Variants in ATG9B observed in about 807,000 individuals in gnomAD.
ATG9B encodes autophagy related 9B.
Under a neutral mutation model 92.9 loss-of-function variants are expected in ATG9B, and 92 were observed. The observed-to-expected ratio is 0.99, with a 90% CI of 0.84 to 1.18. The LOEUF (loss-of-function observed/expected upper bound fraction) is 1.18. Ranked by LOEUF, ATG9B falls within the 50% of genes most tolerant of loss-of-function variation. ATG9B has a pLI of 0.00. For synonymous variants in ATG9B, 599 were observed against 551.4 expected (o/e 1.09, Z -1.21); for missense variants, 1,344 against 1,235.0 (o/e 1.09, Z -1.32).
chr7:151,024,437 C>G lies in ATG9B; in HGVS notation c.-14G>C. 1 of 1,331,334 alleles carries G rather than the reference C, an allele frequency of 7.5e-7. No homozygotes were observed. The highest frequency in any genetic ancestry group is 9.7e-7 in the Non-Finnish European group (1 of 1,035,538). The allele number at this position is 1,331,334 out of a possible 1,614,324, so 82.5% of individuals were successfully genotyped here. ...TCGGCTCACCATCAGGCCACGGCTT[C>G]TCCAGAAAGGTTGGAAGGATGGGAG... On this transcript the variant is annotated 5_prime_UTR_variant, in exon 1 of 14. Transcript: ENST00000639579.
rs775861562 is a variant in ATG9B at position 151,023,212 on chromosome 7, G to A, written c.660-6C>T. 59 of 1,613,982 alleles carry A rather than the reference G, an allele frequency of 3.7e-5. No homozygotes were observed. In the Admixed American group the frequency reaches 7.0e-4, roughly 19 times the overall value. The stretch of plus-strand genomic sequence containing the variant: ...TGACAATGAAAATAAATTGTCTGCC[G>A]GGAGGAAGGGGGGGTGCCGGGATGC... On this transcript the variant is annotated splice_polypyrimidine_tract_variant and splice_region_variant and intron_variant, in intron 3 of 13. Coordinates refer to ENST00000639579, the MANE Select transcript of ATG9B (RefSeq NM_001317056.2).
downstream of ATG9B, chr7:151,013,640 C>T: frequency 1.5e-6 from 2 of 1,297,798 alleles, no homozygotes; most frequent in Admixed American, 2.5e-5. Context: ...CGGAGACTTT[C>T]ACGTCCAGGG....
chr7:151,022,945 G>T lies in ATG9B; in HGVS notation c.821+100C>A. ...TTGGTCCTAAGACCAAAAGCTTTGA[G>T]AACTGCTGATCTAGATGACGGGACA... On this transcript the variant is annotated intron_variant, in intron 4 of 13. Transcript: ENST00000639579. 2.7e-6 allele frequency: 4 copies of T among 1,494,358 alleles called. No individual in the cohort carries two copies. In the East Asian group the frequency reaches 6.8e-5, roughly 26 times the overall value. 92.6% of individuals were successfully genotyped at this position (1,494,358 alleles called of 1,614,324 possible).
At chr7:151,021,435 C>G (rs12539718) in intron 4 of ATG9B, 106 bp from the exon 5 acceptor site, 402,035 of 1,429,232 alleles carry the variant, frequency 0.28, 58,947 homozygotes, top group Admixed American at 0.46. Flanking sequence ...GGGGATCTAG[C>G]TAGACCAGCA....
chr7:151,016,202 C>A lies in ATG9B; in HGVS notation c.2554G>T (p.Gly852Cys), dbSNP rs376001984. The change falls in exon 12 of 14, where the codon GGT (glycine) becomes TGT (cysteine). Residue 852 changes from glycine (G) to cysteine (C), a missense_variant. By Grantham distance (159) the Gly-to-Cys change is radical. Coordinates refer to ENST00000639579, the MANE Select transcript of ATG9B (RefSeq NM_001317056.2). ...HQQQQQQEPWGEAAASILSRP... is the reference protein window; with the variant it reads ...HQQQQQQEPWCEAAASILSRP... ...GACAGGATGGAGGCTGCAGCCTCAC[C>A]CCACGGCTCCTGCTGCTGCTGCTGC... 7.5e-5 allele frequency: 114 copies of A among 1,510,954 alleles called. No individual in the cohort carries two copies. The African/African-American group carries it at 1.4e-3, about 19-fold the overall frequency. 93.6% of individuals were successfully genotyped at this position (1,510,954 alleles called of 1,614,324 possible).
chr7:151,024,394 T>C lies in ATG9B; in HGVS notation c.30A>G (p.Arg10=), dbSNP rs1795880570. 1.5e-6 allele frequency: 2 copies of C among 1,370,364 alleles called. No homozygotes were observed. Among genetic ancestry groups the C allele is most frequent in the Admixed American group, 6.0e-5 (2 of 33,384 alleles). 84.9% of individuals were successfully genotyped at this position (1,370,364 alleles called of 1,614,324 possible). A position where few individuals can be genotyped will look rare whatever the true frequency, so the allele number is the denominator to read the frequency against. The change falls in exon 1 of 14, where the codon AGA becomes AGG. Residue 10 remains arginine, a synonymous_variant. Transcript: ENST00000639579. The part of the protein sequence containing the change: MVSRMGWGG[R]RRRLGRWGDL... ...CTCCCCACCGCCCCAGCCGCCTTCT[T>C]CTCCCCCCCCAGCCCATTCGGCTCA...
In ATG9B at chr7:151,024,351, C is replaced by T. The variant is rs915961741; in HGVS notation, c.73G>A (p.Val25Met). The T allele has an allele frequency of 1.4e-6, 2 of 1,396,620 alleles. No individual in the cohort carries two copies. The highest frequency in any genetic ancestry group is 1.9e-6 in the Non-Finnish European group (2 of 1,070,788). The allele number at this position is 1,396,620 out of a possible 1,614,324, so 86.5% of individuals were successfully genotyped here. ...GGCAGTGGCATGGGGAGGAGGGGCA[C>T]CGATCCGGGCCCCAGATCTCCCCAC... is the stretch of plus-strand genomic sequence containing the variant. Reference protein sequence around the residue: ...GRWGDLGPGSVPLLPMPLPPP... With the variant: ...GRWGDLGPGSMPLLPMPLPPP... Residue 25 changes from valine to methionine, a missense_variant, in exon 1 of 14, where the codon GTG becomes ATG. Coordinates refer to ENST00000639579, the MANE Select transcript of ATG9B (RefSeq NM_001317056.2).
Position 151,017,091 on chromosome 7 carries a change from G to A in ATG9B, c.2234C>T (p.Thr745Ile), listed in dbSNP as rs1400933740. ...CGGGGTGGAGGGGCCGCGAGCCGAG[G>A]TGGCACCCCAGGCAGCTGCATCTTG... Reference protein sequence around the residue: ...VQQDAAAWGATSARGPSTPGV... With the variant: ...VQQDAAAWGAISARGPSTPGV... The change falls in exon 9 of 14, where the codon ACC becomes ATC. Residue 745 changes from threonine to isoleucine, a missense_variant. Physicochemically the swap from Thr to Ile is moderately conservative, Grantham distance 89. Coordinates refer to ENST00000639579, the MANE Select transcript of ATG9B (RefSeq NM_001317056.2). 4 of 1,610,946 alleles carry A rather than the reference G, an allele frequency of 2.5e-6. No individual in the cohort carries two copies. Among genetic ancestry groups the A allele is most frequent in the African/African-American group, 1.3e-5 (1 of 74,846 alleles).
chr7:151,019,088 T>C lies in ATG9B; in HGVS notation c.1250A>G (p.Glu417Gly), dbSNP rs1384526778. ...GPFSLFRGGWELPHAYKRSDQ... is the reference protein window; with the variant it reads ...GPFSLFRGGWGLPHAYKRSDQ... ...GCTGCGCTTGTAGGCGTGCGGCAGCTCCCAGCCCCCGCGGAAGAGCGAGAA... is the reference window on the plus strand; with the variant it reads ...GCTGCGCTTGTAGGCGTGCGGCAGCCCCCAGCCCCCGCGGAAGAGCGAGAA... The change falls in exon 6 of 14, where the codon GAG becomes GGG. Residue 417 changes from glutamate to glycine, a missense_variant. Coordinates refer to ENST00000639579, the MANE Select transcript of ATG9B (RefSeq NM_001317056.2). 6.5e-7 allele frequency: 1 copy of C among 1,535,914 alleles called. No homozygotes were observed. Among genetic ancestry groups the C allele is most frequent in the South Asian group, 1.2e-5 (1 of 84,088 alleles).
downstream of ATG9B, chr7:151,013,970 C>T (rs373107349): frequency 2.9e-5 from 46 of 1,607,056 alleles, no homozygotes; most frequent in African/African-American, 5.5e-4. Context: ...CTAAGGTCTC[C>T]GAGTCGGGTT....
In ATG9B at chr7:151,019,270, G is replaced by A. The variant is rs536858730; in HGVS notation, c.1068C>T (p.Asp356=). 2 of 1,582,108 alleles carry A rather than the reference G, an allele frequency of 1.3e-6. No homozygotes were observed. The highest frequency in any genetic ancestry group is 2.3e-5 in the East Asian group (1 of 43,722). Residue 356 remains aspartate (D), a synonymous_variant, in exon 6 of 14, where the codon GAC becomes GAT. Transcript: ENST00000639579. ...TGTAGCGCAGGATGCGGTGGTGGAT[G>A]TCCAGCTCCGTCAGGGGCCGCGGCT... The part of the protein sequence containing the change: ...CVQPRPLTEL[D]IHHRILRYTN...
At position 151,019,145 on chromosome 7, in the gene ATG9B, A is replaced by G. The variant is rs1584927143; in HGVS notation, c.1193T>C (p.Leu398Pro). The G allele has an allele frequency of 6.5e-7, 1 of 1,536,040 alleles. No homozygotes were observed. The highest frequency in any genetic ancestry group is 2.4e-5 in the East Asian group (1 of 40,886). ...SAAFLSRGLA[L>P]NVDLLLFRGP... Reference sequence around the variant, plus strand: ...GCGGAAGAGCAGCAGGTCGACATTGAGCGCCAGGCCGCGGCTGAGGAAAGC... The same window carrying G: ...GCGGAAGAGCAGCAGGTCGACATTGGGCGCCAGGCCGCGGCTGAGGAAAGC... Residue 398 changes from leucine to proline, a missense_variant, in exon 6 of 14, where the codon CTC becomes CCC. Transcript: ENST00000639579.
chr7:151,013,436 C>T, downstream of ATG9B: 4 of 1,559,600 alleles, frequency 2.6e-6, no homozygotes, highest in Admixed American at 5.3e-5. Context: ...GGGGAGGACT[C>T]GCGCTCTCCA....
rs1355287206 is a variant in ATG9B at position 151,016,545 on chromosome 7, G to A, written c.2424-18C>T. The A allele has an allele frequency of 1.9e-6, 3 of 1,549,038 alleles. No homozygotes were observed. Among genetic ancestry groups the A allele is most frequent in the Non-Finnish European group, 2.6e-6 (3 of 1,146,238 alleles). ...ACACAGAGCTGGAACATAACATGAA[G>A]CAGGTCAAAAGTCATGCCCTCCTCC... On this transcript the variant is annotated intron_variant, in intron 10 of 13. Coordinates refer to ENST00000639579, the MANE Select transcript of ATG9B (RefSeq NM_001317056.2).
chr7:151,017,379 T>C lies in ATG9B; in HGVS notation c.2053-107A>G, dbSNP rs539052384. ...TCCACGTGAAGGAAACAGACCACAA[T>C]GGGGACTTGTTCACCATCACCCAAA... On this transcript the variant is annotated intron_variant, in intron 8 of 13. Coordinates refer to ENST00000639579, the MANE Select transcript of ATG9B (RefSeq NM_001317056.2). The C allele has an allele frequency of 7.6e-4, 849 of 1,109,986 alleles. 1 individual carries two copies. Among genetic ancestry groups the C allele is most frequent in the Non-Finnish European group, 1.0e-3 (809 of 779,090 alleles). The allele number at this position is 1,109,986 out of a possible 1,614,324, so 68.8% of individuals were successfully genotyped here. A position where few individuals can be genotyped will look rare whatever the true frequency, so the allele number is the denominator to read the frequency against.
At chr7:151,021,891 C>T (rs987351920) in intron 4 of ATG9B, among the ~76,000 whole-genome samples, 6 of 152,026 alleles carry the variant, frequency 3.9e-5, no homozygotes, top group Non-Finnish European at 4.4e-5. Flanking sequence ...CCTTGTGATC[C>T]GCCCGCCTCG....
chr7:151,023,620 C>T (rs1277426085), intron 2 of ATG9B, 67 bp downstream of exon 2: 1 of 1,610,210 alleles, frequency 6.2e-7, no homozygotes, highest in Non-Finnish European at 8.5e-7. Context: ...AGTCTCCCTG[C>T]CAAGAACAGT....
intron 8 of ATG9B, 27 bp downstream of exon 8, chr7:151,017,844 C>G: frequency 6.5e-7 from 1 of 1,542,928 alleles, no homozygotes; most frequent in Non-Finnish European, 8.8e-7. Context: ...CCAGCCCAAA[C>G]CCCCAGGGCC....
intron 3 of ATG9B, 42 bp from the exon 4 acceptor site, chr7:151,023,248 AG>A: frequency 6.2e-7 from 1 of 1,613,100 alleles, no homozygotes; most frequent in South Asian, 1.1e-5. Flanking sequence ...TGCAGTGATC[AG>A]GGACAGCCAG....
Sources: gnomAD v4.1 joint callset for allele counts (sites outside exome capture counted in the v4.1 genomes callset) on GRCh38, gnomAD v4.1.1 for gene constraint, MANE v1.5 for transcripts, NCBI Gene and HGNC (gene_info 2026-07-23, HGNC 2026-07-21) for gene names.